The following MYO15A variants were observed in gnomAD, a reference collection of about 807,000 sequenced individuals.
The protein encoded by MYO15A is myosin XVA.
MYO15A carries 308 observed loss-of-function variants against 394.6 expected under a neutral mutation model. The observed-to-expected ratio is 0.78, with a 90% CI of 0.71 to 0.86. MYO15A has a LOEUF of 0.86. Ranked by LOEUF, MYO15A falls within the 40% of genes least tolerant of loss-of-function variation. The probability of loss-of-function intolerance (pLI) is 0.00; values close to 1 mark genes in which losing one functional copy is unlikely to be tolerated. For missense variants in MYO15A, 4,606 were observed against 4,799.1 expected (o/e 0.96, Z 1.19); for synonymous variants, 1,957 against 2,003.8 (o/e 0.98, Z 0.62).
intron 56 of MYO15A, among the ~76,000 whole-genome samples, chr17:18,160,344 G>A (rs2046757285): frequency 6.6e-6 from 1 of 152,340 alleles, no homozygotes; most frequent in East Asian, 1.9e-4. Flanking sequence ...CAGTGAGTAT[G>A]TGGCCTCAGG....
rs1308687672 is a variant in MYO15A at position 18,149,217 on chromosome 17, G to T, written c.6958G>T (p.Val2320Leu). 1 of 1,613,920 alleles carries T rather than the reference G, an allele frequency of 6.2e-7. No individual in the cohort carries two copies. The highest frequency in any genetic ancestry group is 1.3e-5 in the African/African-American group (1 of 74,906). ...PAASRGGPKV[V>L]FGNSWDSDED... ...GCTCCATGTTCCTTTTCTCCACAGGGTGTTTGGGAACAGCTGGGACTCGGA... is the reference window on the plus strand; with the variant it reads ...GCTCCATGTTCCTTTTCTCCACAGGTTGTTTGGGAACAGCTGGGACTCGGA... The change falls in exon 34 of 66, where the codon GTG (valine) becomes TTG (leucine). Residue 2320 changes from valine to leucine, a missense_variant and splice_region_variant. Coordinates refer to ENST00000647165, the MANE Select transcript of MYO15A (RefSeq NM_016239.4).
At chr17:18,130,253 G>A (rs1038398207) in intron 7 of MYO15A, among the ~76,000 whole-genome samples, 4 of 152,150 alleles carry the variant, frequency 2.6e-5, no homozygotes, top group Non-Finnish European at 5.9e-5. Flanking sequence ...TGTAGACGCT[G>A]GGGACTCAGA....
chr17:18,174,791 C>A (rs970008053), intron 65 of MYO15A, among the ~76,000 whole-genome samples: 1 of 152,208 alleles, frequency 6.6e-6, no homozygotes, highest in Non-Finnish European at 1.5e-5. Context: ...TAACATCCCC[C>A]CTCCAGGTCT....
intron 65 of MYO15A, among the ~76,000 whole-genome samples, chr17:18,175,092 T>C (rs1459803452): frequency 6.6e-6 from 1 of 150,584 alleles, no homozygotes; most frequent in Non-Finnish European, 1.5e-5. Context: ...TTTTTTTTTT[T>C]TTTTTCAGTA....
rs551207061 is a variant in MYO15A, at chr17:18,151,400, C to T, written c.7660C>T (p.Pro2554Ser). 1 of 1,614,194 alleles carries T rather than the reference C, an allele frequency of 6.2e-7. No individual in the cohort carries two copies. The highest frequency in any genetic ancestry group is 1.1e-5 in the South Asian group (1 of 91,088). The change falls in exon 40 of 66, where the codon CCC (proline) becomes TCC (serine). Residue 2554 changes from proline to serine, a missense_variant. Pro to Ser is a moderately conservative substitution (Grantham distance 74). Transcript: ENST00000647165. The stretch of plus-strand genomic sequence containing the variant: ...ACCGCGCCCCTTGCCCACAGCTTCA[C>T]CCTCCCCAGAGCTGGTCCGGTACTC... ...QDQASPETTS[P>S]SPELVRYSTL...
At chr17:18,152,978 C>T (rs2046608893) in intron 42 of MYO15A, among the ~76,000 whole-genome samples, 1 of 152,226 alleles carries the variant, frequency 6.6e-6, no homozygotes, top group Non-Finnish European at 1.5e-5. Flanking sequence ...CCACCCCAGC[C>T]TCGGGCAGTG....
chr17:18,175,180 A>G (rs1355353748), intron 65 of MYO15A, among the ~76,000 whole-genome samples: 1 of 149,722 alleles, frequency 6.7e-6, no homozygotes, highest in African/African-American at 2.5e-5. Context: ...CAGTTTCCCA[A>G]AGTGCTGGGA....
In MYO15A at chr17:18,166,449, G is replaced by A. The variant is rs779093807; in HGVS notation, c.9876G>A (p.Trp3292Ter). 6 of 1,613,946 alleles carry A rather than the reference G, an allele frequency of 3.7e-6. No homozygotes were observed. The highest frequency in any genetic ancestry group is 1.3e-5 in the African/African-American group (1 of 74,916). The change falls in exon 61 of 66, where the codon TGG becomes TGA. Residue 3292 changes from tryptophan (W) to a stop codon, truncating the protein, a stop_gained. Coordinates refer to ENST00000647165, the MANE Select transcript of MYO15A (RefSeq NM_016239.4). LOFTEE classifies it high-confidence loss of function. Reference sequence around the variant, plus strand: ...AGGTGGACGGCGGCTACATGCTCTGGTTCCGGCGTGTGCTCTGGGATCAGC... The same window carrying A: ...AGGTGGACGGCGGCTACATGCTCTGATTCCGGCGTGTGCTCTGGGATCAGC... The part of the protein sequence containing the change: ...MEQVDGGYML[W>*]FRRVLWDQPL...
At chr17:18,111,413 A>G (rs1160601334) in intron 1 of MYO15A, among the ~76,000 whole-genome samples, 2 of 152,000 alleles carry the variant, frequency 1.3e-5, no homozygotes, top group African/African-American at 2.4e-5. Flanking sequence ...GAGAGCAGAG[A>G]TCATGTCTGG....
rs746334095 is a variant in MYO15A at position 18,126,768 on chromosome 17, G to A, written c.3867-23G>A. 9 of 1,613,726 alleles carry A rather than the reference G, an allele frequency of 5.6e-6. No homozygotes were observed. In the South Asian group the frequency reaches 6.6e-5, roughly 12 times the overall value. The stretch of plus-strand genomic sequence containing the variant: ...TGTGGGAGCTTAGAGGCAGGGGCCA[G>A]CTCTAATGACCTGTCTCCCCAGGCA... On this transcript the variant is annotated intron_variant, in intron 5 of 65. Transcript: ENST00000647165.
chr17:18,146,109 T>A lies in MYO15A; in HGVS notation c.6509+2T>A. On this transcript the variant is annotated splice_donor_variant, in intron 30 of 65. Transcript: ENST00000647165. LOFTEE classifies it high-confidence loss of function. ...GTGCTTCAACAAGTACCTTCTCAAG[T>A]GAGTGGGACTGGATAGGGGCTGGGA... 6.2e-7 allele frequency: 1 copy of A among 1,613,556 alleles called. No homozygotes were observed. The highest frequency in any genetic ancestry group is 8.5e-7 in the Non-Finnish European group (1 of 1,179,868).
chr17:18,158,065 A>T (rs953456914), intron 51 of MYO15A, among the ~76,000 whole-genome samples, 165 bp downstream of exon 51: 6 of 152,152 alleles, frequency 3.9e-5, no homozygotes, highest in African/African-American at 1.4e-4. Context: ...AGTGAGCCGC[A>T]GGTGAGACCC....
Position 18,158,605 on chromosome 17 carries a change from A to C in MYO15A, c.9050A>C (p.Gln3017Pro). The change falls in exon 52 of 66, where the codon CAG (glutamine) becomes CCG (proline). Residue 3017 changes from glutamine (Q) to proline (P), a missense_variant. Physicochemically the swap from Gln to Pro is moderately conservative, Grantham distance 76 (BLOSUM62 -1). Coordinates refer to ENST00000647165, the MANE Select transcript of MYO15A (RefSeq NM_016239.4). ...LPPYTMLEFAQKYFRDPQRRP... is the reference protein window; with the variant it reads ...LPPYTMLEFAPKYFRDPQRRP... ...CCCTACACAATGCTCGAGTTTGCCCAGAAGTATTTCCGAGACCCTCAGAGG... is the reference window on the plus strand; with the variant it reads ...CCCTACACAATGCTCGAGTTTGCCCCGAAGTATTTCCGAGACCCTCAGAGG... The C allele has an allele frequency of 6.2e-7, 1 of 1,614,172 alleles. No homozygotes were observed. The highest frequency in any genetic ancestry group is 2.2e-5 in the East Asian group (1 of 44,876).
chr17:18,148,015 C>A lies in MYO15A; in HGVS notation c.6510-14C>A. On this transcript the variant is annotated splice_polypyrimidine_tract_variant and intron_variant, in intron 30 of 65. Transcript: ENST00000647165. The surrounding 1 kb of genome is among the most constrained non-coding windows in gnomAD (Gnocchi z 4.8). ...AGATCCTTCTTGATCCTGGCTCCAA[C>A]TCCTACCCATCAGGTTTGTGTCTGA... 6.2e-7 allele frequency: 1 copy of A among 1,614,058 alleles called. No individual in the cohort carries two copies. Among genetic ancestry groups the A allele is most frequent in the South Asian group, 1.1e-5 (1 of 91,078 alleles).
intron 3 of MYO15A, 162 bp from the exon 4 acceptor site, chr17:18,125,006 G>T: frequency 1.4e-6 from 1 of 724,340 alleles, no homozygotes; most frequent in East Asian, 2.6e-5. Flanking sequence ...AAAAGGCACA[G>T]AATAGGGAAG....
rs748270574 is a variant in MYO15A, at chr17:18,133,298, T to G, written c.4394T>G (p.Leu1465Trp). Residue 1465 changes from leucine (L) to tryptophan (W), a missense_variant, in exon 12 of 66, where the codon TTG becomes TGG. Physicochemically the swap from Leu to Trp is moderately conservative, Grantham distance 61. Coordinates refer to ENST00000647165, the MANE Select transcript of MYO15A (RefSeq NM_016239.4). ...CGGCTCCTGGCTGCCATGGAGGTGT[T>G]GGGCTTCAGCAGTGAGGACCAGGAC... ...FRRLLAAMEV[L>W]GFSSEDQDSI... is the part of the protein sequence containing the mutation. The G allele has an allele frequency of 6.2e-6, 10 of 1,614,056 alleles. No homozygotes were observed. In the South Asian group the frequency reaches 1.1e-4, roughly 18 times the overall value.
At chr17:18,171,504 C>A in intron 62 of MYO15A, 134 bp from the exon 63 acceptor site, 1 of 1,374,444 alleles carries the variant, frequency 7.3e-7, no homozygotes, top group Non-Finnish European at 1.0e-6. Flanking sequence ...ACTTTCAGCC[C>A]ATTTACACTC....
At chr17:18,172,509 G>C (rs2046956807) in intron 64 of MYO15A, 2 of 699,202 alleles carry the variant, frequency 2.9e-6, no homozygotes, top group African/African-American at 1.8e-5. Context: ...GTGAAGGTGA[G>C]ATGAGGTAAA....
rs747123424 is a variant in MYO15A at position 18,137,568 on chromosome 17, C to G, written c.4780-16C>G. ...CCAAGGAAGGACCAGTCCCAGCACC[C>G]CCATCCACCTGGCAGGACCTGAGCT... is the stretch of plus-strand genomic sequence containing the variant. On this transcript the variant is annotated splice_polypyrimidine_tract_variant and intron_variant, in intron 15 of 65. Transcript: ENST00000647165. 5 of 1,612,146 alleles carry G rather than the reference C, an allele frequency of 3.1e-6. No individual in the cohort carries two copies. The East Asian group carries it at 8.9e-5, about 29-fold the overall frequency.
Sources: gnomAD v4.1 joint callset for allele counts (sites outside exome capture counted in the v4.1 genomes callset) on GRCh38, gnomAD v4.1.1 for gene constraint, Gnocchi (gnomAD v3.1) non-coding constraint, MANE v1.5 for transcripts, NCBI Gene and HGNC (gene_info 2026-07-23, HGNC 2026-07-21) for gene names.